The following WHAMM variants were observed in gnomAD, a reference collection of about 807,000 sequenced individuals.
WHAMM encodes the protein WASP homolog-associated protein with actin, membranes and microtubules.
In WHAMM, 67 loss-of-function variants were observed where a neutral mutation model predicts 76.5. That is an observed-to-expected ratio of 0.88 (90% CI 0.72 to 1.07). WHAMM has a LOEUF of 1.07. Among genes scored for constraint, WHAMM ranks in the 50% least tolerant of loss-of-function variants. WHAMM has a pLI of 0.00. For synonymous variants in WHAMM, 419 were observed against 422.1 expected, an observed-to-expected ratio of 0.99 and a Z score of 0.09; for missense variants, 1,021 against 1,051.1, an observed-to-expected ratio of 0.97 and a Z score of 0.40.
At chr15:82,810,704 C>CTAAA in intron 1 of WHAMM, 1 of 985,406 alleles carries the variant, frequency 1.0e-6, no homozygotes, top group African/African-American at 1.7e-5. Flanking sequence ...ATAACACGGA[C>CTAAA]TAAATGTAAG....
chr15:82,820,739 A>G (rs2050805560), intron 5 of WHAMM, among the ~76,000 whole-genome samples: 1 of 152,010 alleles, frequency 6.6e-6, no homozygotes, highest in African/African-American at 2.4e-5. Context: ...TACTAAAAAT[A>G]CAAAAATTAG....
At position 82,833,429 on chromosome 15, in the gene WHAMM, A is replaced by C. The variant is rs1345573346; in HGVS notation, c.2323A>C (p.Ser775Arg). Residue 775 changes from serine (S) to arginine (R), a missense_variant, in exon 10 of 10, where the codon AGT becomes CGT. Transcript: ENST00000286760. ...CAAACCAACCAGCAACAGACGCACC[A>C]GTGACCTTGAGAGGAGCATCAAGGC... ...SSKPTSNRRTSDLERSIKAAL... is the reference protein window; with the variant it reads ...SSKPTSNRRTRDLERSIKAAL... 1 of 1,614,042 alleles carries C rather than the reference A, an allele frequency of 6.2e-7. No individual in the cohort carries two copies. Among genetic ancestry groups the C allele is most frequent in the Non-Finnish European group, 8.5e-7 (1 of 1,179,898 alleles).
chr15:82,812,453 C>T (rs1210372006), intron 1 of WHAMM, among the ~76,000 whole-genome samples: 4 of 152,192 alleles, frequency 2.6e-5, no homozygotes, highest in South Asian at 2.1e-4. Flanking sequence ...TGGTCTCGAT[C>T]TCCTGACCTC....
intron 5 of WHAMM, among the ~76,000 whole-genome samples, chr15:82,822,810 ATGTG>A (rs71451663): frequency 2.0e-5 from 3 of 150,578 alleles, no homozygotes; most frequent in Admixed American, 6.6e-5. Flanking sequence ...TGTAAGTAGT[ATGTG>A]TGTGTGTGTG....
intron 3 of WHAMM, among the ~76,000 whole-genome samples, chr15:82,817,193 A>C (rs1418529835): frequency 6.6e-6 from 1 of 152,204 alleles, no homozygotes; most frequent in Non-Finnish European, 1.5e-5. Flanking sequence ...GTTGAGAGAA[A>C]ATAAAAAGTG....
At chr15:82,824,965 A>G (rs2050905368) in intron 6 of WHAMM, among the ~76,000 whole-genome samples, 3 of 152,210 alleles carry the variant, frequency 2.0e-5, no homozygotes, top group African/African-American at 7.2e-5. Context: ...AAGACCAGGG[A>G]CAACACAGTG....
chr15:82,820,052 G>A (rs1472918778), intron 5 of WHAMM, among the ~76,000 whole-genome samples: 2 of 151,354 alleles, frequency 1.3e-5, no homozygotes, highest in Non-Finnish European at 2.9e-5. Context: ...GATACTTCGT[G>A]GTAACAATTT....
rs200933790 is a variant in WHAMM, at chr15:82,830,927, C to G, written c.1970C>G (p.Pro657Arg). 1.8e-4 allele frequency: 282 copies of G among 1,609,236 alleles called. No homozygotes were observed. The highest frequency in any genetic ancestry group is 8.8e-5 in the South Asian group (8 of 90,634). The stretch of plus-strand genomic sequence containing the variant: ...CCGCCGCCACCGCCGCCCCCACCCC[C>G]TCCTCTCCGTGCTCTGTCCTCATCC... ...PPPPPPPPPP[P>R]PLRALSSSSQ... is the part of the protein sequence containing the mutation. Residue 657 changes from proline to arginine, a missense_variant, in exon 9 of 10, where the codon CCT (proline) becomes CGT (arginine). Transcript: ENST00000286760.
Position 82,809,970 on chromosome 15 carries a change from C to T in WHAMM, c.244C>T (p.Leu82Phe). Residue 82 changes from leucine to phenylalanine, a missense_variant, in exon 1 of 10, where the codon CTC becomes TTC. Coordinates refer to ENST00000286760, the MANE Select transcript of WHAMM (RefSeq NM_001080435.3). ...CTCCCCGTCCAGCTGGGCCGGCCTG[C>T]TCTCGGCCGCGGGGCTCCGCGGCGC... is the stretch of plus-strand genomic sequence containing the variant. ...AVSPSSWAGL[L>F]SAAGLRGAHR... 4 of 1,316,842 alleles carry T rather than the reference C, an allele frequency of 3.0e-6. No homozygotes were observed. Among genetic ancestry groups the T allele is most frequent in the Admixed American group, 3.6e-5 (1 of 27,928 alleles). 81.6% of individuals were successfully genotyped at this position (1,316,842 alleles called of 1,614,324 possible).
Position 82,810,710 on chromosome 15 carries a change from G to A in WHAMM, c.609+375G>A, listed in dbSNP as rs1324687183. 5.1e-6 allele frequency: 5 copies of A among 985,468 alleles called. No homozygotes were observed. In the East Asian group the frequency reaches 3.4e-4, roughly 67 times the overall value. 61.0% of individuals were successfully genotyped at this position (985,468 alleles called of 1,614,324 possible). A position where few individuals can be genotyped will look rare whatever the true frequency, so the allele number is the denominator to read the frequency against. On this transcript the variant is annotated intron_variant, in intron 1 of 9. Coordinates refer to ENST00000286760, the MANE Select transcript of WHAMM (RefSeq NM_001080435.3). ...TAGGAAAGAATAACACGGACTAAAT[G>A]TAAGCAATTCCTGTGTATGAGGGGA...
rs776902355 is a variant in WHAMM, at chr15:82,816,775, A to G, written c.867A>G (p.Glu289=). 1 of 1,562,278 alleles carries G rather than the reference A, an allele frequency of 6.4e-7. No homozygotes were observed. The highest frequency in any genetic ancestry group is 2.4e-5 in the East Asian group (1 of 42,490). Residue 289 remains glutamate (E), a synonymous_variant, in exon 3 of 10, where the codon GAA becomes GAG. Transcript: ENST00000286760. ...CTGAAGAATGGACCAGACGGGCTGA[A>G]GAAGCTGTCGTCTCTATTCAGGATA... ...KEAEEWTRRA[E]EAVVSIQDIT...
At chr15:82,810,999 C>G (rs778735293) in intron 1 of WHAMM, among the ~76,000 whole-genome samples, 1 of 152,144 alleles carries the variant, frequency 6.6e-6, no homozygotes, top group Non-Finnish European at 1.5e-5. Context: ...AATATGCCTT[C>G]TAAGTCCACA....
In WHAMM at chr15:82,810,041, C is replaced by T; in HGVS notation, c.315C>T (p.Phe105=). 1 of 1,221,864 alleles carries T rather than the reference C, an allele frequency of 8.2e-7. No individual in the cohort carries two copies. The highest frequency in any genetic ancestry group is 1.0e-6 in the Non-Finnish European group (1 of 984,790). 75.7% of individuals were successfully genotyped at this position (1,221,864 alleles called of 1,614,324 possible). ...AALWPPLERC[F]PRLPPELDVG... ...TGTGGCCGCCTCTGGAGCGCTGCTT[C>T]CCGCGGCTGCCGCCGGAGCTGGACG... The change falls in exon 1 of 10, where the codon TTC becomes TTT. Residue 105 remains phenylalanine, a synonymous_variant. Transcript: ENST00000286760.
intron 8 of WHAMM, among the ~76,000 whole-genome samples, chr15:82,827,843 G>A (rs2050961936): frequency 6.6e-6 from 1 of 152,102 alleles, no homozygotes; most frequent in Non-Finnish European, 1.5e-5. Context: ...TACTTGGGAG[G>A]CTAAGGCACA....
In WHAMM at chr15:82,810,253, C is replaced by T. The variant is rs1473857153; in HGVS notation, c.527C>T (p.Ala176Val). 1.6e-5 allele frequency: 22 copies of T among 1,389,674 alleles called. No homozygotes were observed. The highest frequency in any genetic ancestry group is 3.1e-5 in the Admixed American group (1 of 32,256). The allele number at this position is 1,389,674 out of a possible 1,614,324, so 86.1% of individuals were successfully genotyped here. ...RDALFPAEGG[A>V]ADCESPREFR... ...GCACTCTTCCCGGCTGAGGGCGGCGCGGCCGACTGCGAAAGCCCGCGCGAG... is the reference window on the plus strand; with the variant it reads ...GCACTCTTCCCGGCTGAGGGCGGCGTGGCCGACTGCGAAAGCCCGCGCGAG... The change falls in exon 1 of 10, where the codon GCG becomes GTG. Residue 176 changes from alanine (A) to valine (V), a missense_variant. Physicochemically the swap from Ala to Val is moderately conservative, Grantham distance 64. Coordinates refer to ENST00000286760, the MANE Select transcript of WHAMM (RefSeq NM_001080435.3).
Position 82,818,107 on chromosome 15 carries a change from A to G in WHAMM, c.1104+18A>G, listed in dbSNP as rs2050757907. The G allele has an allele frequency of 3.3e-6, 5 of 1,525,172 alleles. No individual in the cohort carries two copies. The highest frequency in any genetic ancestry group is 2.4e-4 in the Middle Eastern group (1 of 4,244). 94.5% of individuals were successfully genotyped at this position (1,525,172 alleles called of 1,614,324 possible). On this transcript the variant is annotated intron_variant, in intron 4 of 9. Coordinates refer to ENST00000286760, the MANE Select transcript of WHAMM (RefSeq NM_001080435.3). ...AGGGAAAGGTAAGACAAAGATAAAC[A>G]TAACTTTGTTTTAAAAATACACTTT...
At position 82,830,441 on chromosome 15, in the gene WHAMM, G is replaced by A. The variant is rs1482603457; in HGVS notation, c.1642-158G>A. Among the ~76,000 whole-genome samples, 3 of 152,068 alleles carry A rather than the reference G, an allele frequency of 2.0e-5. No individual in the cohort carries two copies. In the East Asian group the frequency reaches 5.8e-4, roughly 29 times the overall value. ...ATCTTTTTTTTAATCCATGAAAAAT[G>A]GGTTCGGTAGAAAGGATGGCTGTAC... On this transcript the variant is annotated intron_variant, in intron 8 of 9. Transcript: ENST00000286760.
chr15:82,831,722 C>T, intron 9 of WHAMM, among the ~76,000 whole-genome samples: 1 of 152,202 alleles, frequency 6.6e-6, no homozygotes. Context: ...TGAATTTTGA[C>T]TTTAGACATT....
At position 82,834,449 on chromosome 15, in the gene WHAMM, C is replaced by T. The variant is rs893955682; in HGVS notation, c.*913C>T. ...ATGTCAAGACCCATCGGAAGTGTCGCTGGCCTAAGAGAAGAGCACTTATTT... is the reference window on the plus strand; with the variant it reads ...ATGTCAAGACCCATCGGAAGTGTCGTTGGCCTAAGAGAAGAGCACTTATTT... On this transcript the variant is annotated 3_prime_UTR_variant, in exon 10 of 10. Transcript: ENST00000286760. 1.3e-5 allele frequency: 2 copies of T among 152,636 alleles called. No homozygotes were observed. Among genetic ancestry groups the T allele is most frequent in the African/African-American group, 4.8e-5 (2 of 41,448 alleles). The allele number at this position is 152,636 out of a possible 1,614,324, so 9.5% of individuals were successfully genotyped here.
Sources: gnomAD v4.1 joint callset for allele counts (sites outside exome capture counted in the v4.1 genomes callset) on GRCh38, gnomAD v4.1.1 for gene constraint, MANE v1.5 for transcripts, NCBI Gene and HGNC (gene_info 2026-07-23, HGNC 2026-07-21) for gene names.